Variants in PXDNL observed in about 807,000 individuals in gnomAD.
PXDNL encodes peroxidasin like.
PXDNL carries 145 observed loss-of-function variants against 150.8 expected under a neutral mutation model. That is an observed-to-expected ratio of 0.96 (90% CI 0.84 to 1.10). The LOEUF is 1.10. Ranked by LOEUF, PXDNL falls within the 50% of genes least tolerant of loss-of-function variation. The pLI, the probability that PXDNL is intolerant of heterozygous loss-of-function variation, is 0.00. For synonymous variants in PXDNL, 757 were observed against 725.7 expected (o/e 1.04, Z -0.69); for missense variants, 2,087 against 1,873.9 (o/e 1.11, Z -2.10).
intron 13 of PXDNL, among the ~76,000 whole-genome samples, 171 bp downstream of exon 13, chr8:51,426,473 TAA>T (rs879573502): frequency 6.9e-6 from 1 of 144,152 alleles, no homozygotes; most frequent in African/African-American, 2.5e-5. Context: ...TAGAGTCACT[TAA>T]AAAAAAAAAA....
chr8:51,632,112 A>G (rs994738999), intron 2 of PXDNL, among the ~76,000 whole-genome samples: 1 of 152,140 alleles, frequency 6.6e-6, no homozygotes, highest in Non-Finnish European at 1.5e-5. Context: ...CTCCAAAACA[A>G]CAAACAACAG....
At chr8:51,630,000 A>C (rs962615391) in intron 2 of PXDNL, among the ~76,000 whole-genome samples, 9 of 152,198 alleles carry the variant, frequency 5.9e-5, no homozygotes, top group Non-Finnish European at 1.2e-4. Context: ...AGCAAAAAGA[A>C]TAAAACTGGA....
At chr8:51,521,153 G>A (rs1791631362) in intron 4 of PXDNL, among the ~76,000 whole-genome samples, 1 of 152,166 alleles carries the variant, frequency 6.6e-6, no homozygotes, top group Admixed American at 6.5e-5. Context: ...GAGGTGGAAA[G>A]ATCGCTTGAG....
intron 21 of PXDNL, among the ~76,000 whole-genome samples, chr8:51,327,419 C>A (rs1563358854): frequency 6.6e-6 from 1 of 152,146 alleles, no homozygotes; most frequent in Non-Finnish European, 1.5e-5. Flanking sequence ...GAAACAGTTA[C>A]GGAAAATTTA....
At chr8:51,397,439 A>G (rs1440303251) in intron 17 of PXDNL, among the ~76,000 whole-genome samples, 1 of 152,152 alleles carries the variant, frequency 6.6e-6, no homozygotes, top group African/African-American at 2.4e-5. Context: ...AACTAAACCA[A>G]CAAAACTTAT....
At chr8:51,649,015 A>G (rs754357502) in intron 2 of PXDNL, among the ~76,000 whole-genome samples, 45 of 152,232 alleles carry the variant, frequency 3.0e-4, no homozygotes, top group Non-Finnish European at 5.1e-4. Flanking sequence ...TTCTACTAAC[A>G]GGACACACAA....
At chr8:51,476,544 A>G (rs1401659823) in intron 6 of PXDNL, among the ~76,000 whole-genome samples, 2 of 152,202 alleles carry the variant, frequency 1.3e-5, no homozygotes, top group African/African-American at 4.8e-5. Context: ...AAGTTATACT[A>G]TACTTCACTA....
intron 4 of PXDNL, among the ~76,000 whole-genome samples, chr8:51,500,924 GA>G (rs1429375138): frequency 6.6e-6 from 1 of 152,134 alleles, no homozygotes; most frequent in African/African-American, 2.4e-5. Flanking sequence ...TTAAGAAAAA[GA>G]AATACTTTTA....
chr8:51,537,358 C>G (rs58011283), intron 4 of PXDNL, among the ~76,000 whole-genome samples: 5,108 of 152,290 alleles, frequency 0.034, 287 homozygotes, highest in African/African-American at 0.12. Context: ...CCTCTTAAAA[C>G]ATGACTTAGA....
At chr8:51,580,411 G>T (rs1813183297) in intron 3 of PXDNL, among the ~76,000 whole-genome samples, 1 of 152,144 alleles carries the variant, frequency 6.6e-6, no homozygotes, top group Non-Finnish European at 1.5e-5. Flanking sequence ...TCTGTTGAAT[G>T]AATGTAGATT....
chr8:51,468,375 A>G (rs1394651389), intron 8 of PXDNL, among the ~76,000 whole-genome samples: 2 of 152,070 alleles, frequency 1.3e-5, no homozygotes, highest in East Asian at 3.9e-4. Flanking sequence ...ATCATTAAGT[A>G]TGATCTAATG....
intron 17 of PXDNL, among the ~76,000 whole-genome samples, chr8:51,400,231 A>C (rs892849362): frequency 3.3e-5 from 5 of 152,158 alleles, no homozygotes; most frequent in Non-Finnish European, 7.4e-5. Flanking sequence ...CACACACCTT[A>C]AAAGATATAT....
At chr8:51,708,597 A>G (rs905988540) in intron 1 of PXDNL, among the ~76,000 whole-genome samples, 14 of 152,208 alleles carry the variant, frequency 9.2e-5, no homozygotes, top group Admixed American at 4.6e-4. Context: ...GAACACAGAT[A>G]TAAAAATCAG....
At chr8:51,765,311 C>T (rs2037216315) in intron 1 of PXDNL, among the ~76,000 whole-genome samples, 1 of 152,152 alleles carries the variant, frequency 6.6e-6, no homozygotes, top group African/African-American at 2.4e-5. Flanking sequence ...GGTGAAATCC[C>T]TTTGGCTTGG....
chr8:51,446,887 CATATGACTATATATATATATATAGTCAT>C (rs1809688726), intron 12 of PXDNL, 89 bp downstream of exon 12: 1 of 678,046 alleles, frequency 1.5e-6, no homozygotes, highest in Admixed American at 3.3e-5. Context: ...TTTCTTAGAT[CATATGACTATATATATATATATAGTCAT>C]ATATGTCATA....
intron 6 of PXDNL, among the ~76,000 whole-genome samples, chr8:51,479,870 TAGAC>T (rs1810562944): frequency 1.3e-5 from 2 of 152,158 alleles, no homozygotes; most frequent in Admixed American, 6.5e-5. Context: ...ATAGATTAGA[TAGAC>T]AGATAGATAT....
At chr8:51,428,364 T>A (rs1283620408) in intron 12 of PXDNL, among the ~76,000 whole-genome samples, 2 of 152,242 alleles carry the variant, frequency 1.3e-5, no homozygotes, top group Non-Finnish European at 2.9e-5. Flanking sequence ...ATCAGATTAT[T>A]CTAAAATTTA....
intron 10 of PXDNL, among the ~76,000 whole-genome samples, chr8:51,453,057 A>G (rs187086144): frequency 3.0e-4 from 46 of 152,312 alleles, no homozygotes; most frequent in African/African-American, 1.1e-3. Flanking sequence ...CATGCATATA[A>G]ATTAATTTCT....
chr8:51,482,757 T>G (rs1007329190), intron 6 of PXDNL, among the ~76,000 whole-genome samples: 6 of 152,186 alleles, frequency 3.9e-5, no homozygotes, highest in African/African-American at 1.4e-4. Context: ...TCCTTTGCTC[T>G]CTCTTCATCT....
Sources: allele counts gnomAD v4.1 joint callset (sites outside exome capture counted in the v4.1 genomes callset), GRCh38; gene constraint gnomAD v4.1.1; transcripts MANE v1.5; gene names NCBI Gene and HGNC (gene_info 2026-07-23, HGNC 2026-07-21).